The following PNPLA6 variants were observed in gnomAD, a reference collection of about 807,000 sequenced individuals.
PNPLA6 encodes patatin like domain 6, lysophospholipase, also known as patatin-like phospholipase domain-containing protein 6.
PNPLA6 carries 105 observed loss-of-function variants against 153.7 expected under a neutral mutation model. The observed-to-expected ratio is 0.68, with a 90% CI of 0.58 to 0.80. The LOEUF (loss-of-function observed/expected upper bound fraction) is 0.80. Ranked by LOEUF, PNPLA6 falls within the 30% of genes least tolerant of loss-of-function variation. The pLI is 0.00. For missense variants in PNPLA6, 1,423 were observed against 1,919.3 expected (o/e 0.74, Z 4.83); for synonymous variants, 825 against 822.2 (o/e 1.00, Z -0.06).
chr19:7,544,015 G>C (rs1367761483), intron 13 of PNPLA6, among the ~76,000 whole-genome samples: 2 of 151,306 alleles, frequency 1.3e-5, no homozygotes, highest in East Asian at 3.9e-4. Context: ...GGGTTTCACT[G>C]TGTTAGCCAG....
At chr19:7,536,427 A>G (rs766061572) in intron 2 of PNPLA6, 22 bp from the exon 3 acceptor site, 2 of 1,567,998 alleles carry the variant, frequency 1.3e-6, no homozygotes, top group Non-Finnish European at 1.8e-6. Flanking sequence ...CAATTCACCC[A>G]TCTCCGCCTT....
intron 17 of PNPLA6, 22 bp downstream of exon 17, chr19:7,551,129 GC>G: frequency 7.1e-7 from 1 of 1,403,904 alleles, no homozygotes; most frequent in African/African-American, 1.4e-5. Context: ...TGTGGGCGGG[GC>G]AGAGAGGCGG....
chr19:7,543,288 C>T (rs1368068241), intron 13 of PNPLA6, among the ~76,000 whole-genome samples: 1 of 152,006 alleles, frequency 6.6e-6, no homozygotes, highest in East Asian at 1.9e-4. Context: ...CTGGACCTGT[C>T]AACCCTTCAC....
rs570723263 is a variant in PNPLA6 at position 7,557,223 on chromosome 19, G to T, written c.3336G>T (p.Pro1112=). The T allele has an allele frequency of 3.1e-6, 5 of 1,610,530 alleles. No individual in the cohort carries two copies. Among genetic ancestry groups the T allele is most frequent in the African/African-American group, 1.3e-5 (1 of 74,146 alleles). Residue 1112 remains proline, a synonymous_variant, in exon 27 of 32, where the codon CCG becomes CCT. Transcript: ENST00000600737. ...TGACGCTGTCGGGCTACCTGCCCCC[G>T]CTGTGCGACCCCAAGGACGGGCACC... The part of the protein sequence containing the change: ...ASMTLSGYLP[P]LCDPKDGHLL...
At position 7,549,494 on chromosome 19, in the gene PNPLA6, C is replaced by CTTCTTT. The variant is rs66673863; in HGVS notation, c.1609-411_1609-410insCTTTTT. ...AGCCACCGCGCCTGGCCTTCTTCTT[C>CTTCTTT]TTTTTTTTTTTAAAGACAGTGTCTC... On this transcript the variant is annotated intron_variant, in intron 13 of 31. Coordinates refer to ENST00000600737, the MANE Select transcript of PNPLA6 (RefSeq NM_001166114.2). Among the ~76,000 whole-genome samples the CTTCTTT allele has an allele frequency of 3.9e-3, 535 of 136,362 alleles. 3 individuals are homozygous for CTTCTTT. The highest frequency in any genetic ancestry group is 6.8e-3 in the Non-Finnish European group (440 of 64,690). The allele number at this position is 136,362 out of a possible 152,430, so 89.5% of individuals were successfully genotyped here.
chr19:7,554,172 C>A, intron 19 of PNPLA6, 37 bp from the exon 20 acceptor site: 1 of 1,602,464 alleles, frequency 6.2e-7, no homozygotes, highest in Non-Finnish European at 8.6e-7. Flanking sequence ...GCCCTGTGGA[C>A]CATGGTTCCC....
chr19:7,548,722 CACACAT>C (rs1273268658), intron 13 of PNPLA6, among the ~76,000 whole-genome samples: 1 of 142,044 alleles, frequency 7.0e-6, no homozygotes, highest in Non-Finnish European at 1.5e-5. Flanking sequence ...TATATATACA[CACACAT>C]ATATATACAC....
Position 7,550,294 on chromosome 19 carries a change from G to C in PNPLA6, c.1815-4G>C. ...CCTCTTTCATCCCAAGTCTGTTCCT[G>C]CAGGATCATGCGCGCACAGCCCAGT... On this transcript the variant is annotated splice_region_variant and splice_polypyrimidine_tract_variant and intron_variant, in intron 14 of 31. Transcript: ENST00000600737. 6.2e-7 allele frequency: 1 copy of C among 1,612,862 alleles called. No individual in the cohort carries two copies.
At chr19:7,552,679 G>A (rs1481234484) in intron 18 of PNPLA6, among the ~76,000 whole-genome samples, 3 of 149,888 alleles carry the variant, frequency 2.0e-5, no homozygotes, top group Non-Finnish European at 4.4e-5. Context: ...CGCTTGAACC[G>A]GGGAGGCAGA....
At chr19:7,547,814 T>TAAAA (rs1568413522) in intron 13 of PNPLA6, among the ~76,000 whole-genome samples, 3 of 9,974 alleles carry the variant, frequency 3.0e-4, no homozygotes, top group African/African-American at 1.2e-3. Context: ...ATTAAAAATT[T>TAAAA]TTTTTTTTTT....
At chr19:7,556,629 C>A in intron 25 of PNPLA6, 26 bp from the exon 26 acceptor site, 1 of 1,604,680 alleles carries the variant, frequency 6.2e-7, no homozygotes, top group Non-Finnish European at 8.5e-7. Flanking sequence ...CCTGCTCCTC[C>A]CCCACCTCGA....
chr19:7,543,272 T>C (rs1164747056), intron 13 of PNPLA6, among the ~76,000 whole-genome samples, 188 bp downstream of exon 13: 1 of 148,860 alleles, frequency 6.7e-6, no homozygotes, highest in Non-Finnish European at 1.5e-5. Context: ...CCCCACCCTA[T>C]GTCCTCTGGA....
chr19:7,542,368 C>T (rs1314746819), intron 10 of PNPLA6, 193 bp from the exon 11 acceptor site: 1 of 631,086 alleles, frequency 1.6e-6, no homozygotes, highest in Non-Finnish European at 2.8e-6. Context: ...TCTTTTGAGA[C>T]CTGTCTCCCA....
At chr19:7,538,306 A>C (rs1279986704) in intron 3 of PNPLA6, among the ~76,000 whole-genome samples, 2 of 151,976 alleles carry the variant, frequency 1.3e-5, no homozygotes, top group Non-Finnish European at 2.9e-5. Flanking sequence ...TCAGCCTCTT[A>C]AGTAGCTGAG....
chr19:7,540,867 C>T lies in PNPLA6; in HGVS notation c.796-56C>T. On this transcript the variant is annotated intron_variant, in intron 6 of 31. Transcript: ENST00000600737. The surrounding 1 kb of genome is among the most constrained non-coding windows in gnomAD (Gnocchi z 6.8). ...GCGCCAGGAAGGATTAGGGGAGTAG[C>T]GAGGGGGACTCGCAGCCTCTGCCCT... is the stretch of plus-strand genomic sequence containing the variant. 1.2e-6 allele frequency: 2 copies of T among 1,610,156 alleles called. No individual in the cohort carries two copies. Among genetic ancestry groups the T allele is most frequent in the South Asian group, 2.2e-5 (2 of 90,996 alleles).
rs546342403 is a variant in PNPLA6, at chr19:7,558,306, C to A, written c.3398-544C>A. ...GGGTGGGCAAACTATGGCCCACAGG[C>A]TGAGTCCTGCCCTCTGTTTGATTGT... is the stretch of plus-strand genomic sequence containing the variant. On this transcript the variant is annotated intron_variant, in intron 27 of 31. Transcript: ENST00000600737. 2.0e-5 allele frequency among the ~76,000 whole-genome samples: 3 copies of A among 152,338 alleles called. No individual in the cohort carries two copies. The South Asian group carries it at 6.2e-4, about 32-fold the overall frequency.
At chr19:7,560,979 C>CA (rs1246681489) in intron 29 of PNPLA6, 35 bp from the exon 30 acceptor site, 3 of 1,380,388 alleles carry the variant, frequency 2.2e-6, no homozygotes, top group Admixed American at 2.0e-5. Context: ...ACTCTGTGGG[C>CA]CCCCCCTAAG....
chr19:7,539,932 A>C lies in PNPLA6; in HGVS notation c.428A>C (p.Gln143Pro). The change falls in exon 4 of 32, where the codon CAG (glutamine) becomes CCG (proline). Residue 143 changes from glutamine to proline, a missense_variant. Around this residue, in one of 10 missense-constraint regions of PNPLA6, gnomAD observed 74 missense variants for 171.3 expected, o/e 0.43. Coordinates refer to ENST00000600737, the MANE Select transcript of PNPLA6 (RefSeq NM_001166114.2). ...CCTCCCACCAGGATCCTGCGCATCC[A>C]GAAAGAGACGCCCACGCTGCAGCGG... ...LNIAKKILRI[Q>P]KETPTLQRKE... The C allele has an allele frequency of 1.3e-6, 2 of 1,549,714 alleles. No individual in the cohort carries two copies. Among genetic ancestry groups the C allele is most frequent in the Non-Finnish European group, 8.7e-7 (1 of 1,148,222 alleles).
At position 7,561,535 on chromosome 19, in the gene PNPLA6, G is replaced by T. The variant is rs1198155966; in HGVS notation, c.4071G>T (p.Glu1357Asp). 1 of 1,607,234 alleles carries T rather than the reference G, an allele frequency of 6.2e-7. No homozygotes were observed. Among genetic ancestry groups the T allele is most frequent in the Non-Finnish European group, 8.5e-7 (1 of 1,177,924 alleles). The change falls in exon 32 of 32, where the codon GAG becomes GAT. Residue 1357 changes from glutamate (E) to aspartate (D), a missense_variant. Coordinates refer to ENST00000600737, the MANE Select transcript of PNPLA6 (RefSeq NM_001166114.2). ...ILRQRRCLPQ[E>D]PPGSATDA ...GGCAACGACGCTGTCTGCCCCAGGA[G>T]CCGCCCGGCTCAGCCACAGATGCCT...
Sources: gnomAD v4.1 joint callset for allele counts (sites outside exome capture counted in the v4.1 genomes callset) on GRCh38, gnomAD v4.1.1 for gene constraint, gnomAD v4.1.1 regional missense constraint, Gnocchi (gnomAD v3.1) non-coding constraint, MANE v1.5 for transcripts, NCBI Gene and HGNC (gene_info 2026-07-23, HGNC 2026-07-21) for gene names.